The following DUSP15 variants were observed in gnomAD, a reference collection of about 807,000 sequenced individuals.
The protein encoded by DUSP15 is dual specificity phosphatase 15, also known as dual specificity protein phosphatase 15.
In DUSP15, 23 loss-of-function variants were observed where a neutral mutation model predicts 26.3. That is an observed-to-expected ratio of 0.87 (90% CI 0.63 to 1.24). DUSP15 has a LOEUF of 1.24. Ranked by LOEUF, DUSP15 falls within the 50% of genes most tolerant of loss-of-function variation. The pLI is 0.00. For synonymous variants in DUSP15, 143 were observed against 135.5 expected, an observed-to-expected ratio of 1.06 and a Z score of -0.39; for missense variants, 364 against 320.6, an observed-to-expected ratio of 1.14 and a Z score of -1.03.
chr20:31,859,378 C>A (rs2062610072), downstream of DUSP15, among the ~76,000 whole-genome samples: 1 of 152,104 alleles, frequency 6.6e-6, no homozygotes, highest in Non-Finnish European at 1.5e-5. Context: ...GCTCAGATTG[C>A]TCCACTCCTT....
At chr20:31,868,268 C>T (rs1445257847) in intron 2 of DUSP15, among the ~76,000 whole-genome samples, 2 of 152,074 alleles carry the variant, frequency 1.3e-5, no homozygotes, top group Non-Finnish European at 2.9e-5. Context: ...CTTACTTGGC[C>T]AAATACTCAC....
At chr20:31,865,127 C>T in intron 3 of DUSP15, 125 bp from the exon 4 acceptor site, 2 of 1,009,380 alleles carry the variant, frequency 2.0e-6, no homozygotes, top group Non-Finnish European at 3.1e-6. Flanking sequence ...CACTGTGGTC[C>T]TCTCTGTCCA....
chr20:31,853,766 A>AGTAAAAT (rs2062514108), intron 6 of DUSP15, among the ~76,000 whole-genome samples: 2 of 151,832 alleles, frequency 1.3e-5, no homozygotes, highest in Admixed American at 6.5e-5. Flanking sequence ...TCTGGCTAAT[A>AGTAAAAT]GTAAAATATT....
chr20:31,864,391 G>T, intron 4 of DUSP15: 1 of 1,053,902 alleles, frequency 9.5e-7, no homozygotes, highest in Non-Finnish European at 1.1e-6. Context: ...CCAAGGGGCA[G>T]CACTGTCTGC....
At chr20:31,858,129 C>A (rs1297772028), downstream of DUSP15, among the ~76,000 whole-genome samples, 3 of 152,180 alleles carry the variant, frequency 2.0e-5, no homozygotes, top group Non-Finnish European at 2.9e-5. The surrounding 1 kb of genome is among the most constrained non-coding windows in gnomAD (Gnocchi z 4.4). Context: ...CGTCTCCAGT[C>A]CCCTGTCCCC....
downstream of DUSP15, among the ~76,000 whole-genome samples, chr20:31,857,897 A>T (rs909793746): frequency 6.6e-6 from 1 of 152,144 alleles, no homozygotes; most frequent in Non-Finnish European, 1.5e-5. Context: ...CAGAATTCCC[A>T]TTAGTGCATT....
rs754981196 is a variant in DUSP15, at chr20:31,862,560, C to A, written c.435+11G>T. ...CCCCTGGCCCAACCCAGCCCTTGACCCCATCCCTACCTTCTGGGAACTGGC... is the reference window on the plus strand; with the variant it reads ...CCCCTGGCCCAACCCAGCCCTTGACACCATCCCTACCTTCTGGGAACTGGC... On this transcript the variant is annotated intron_variant, in intron 6 of 6. Transcript: ENST00000339738. The A allele has an allele frequency of 6.3e-6, 10 of 1,595,226 alleles. No homozygotes were observed. The highest frequency in any genetic ancestry group is 4.5e-5 in the South Asian group (4 of 88,346).
downstream of DUSP15, among the ~76,000 whole-genome samples, chr20:31,846,133 GACAC>G (rs922590794): frequency 8.6e-4 from 109 of 127,480 alleles, 1 homozygote; most frequent in Admixed American, 6.2e-3. Context: ...CACAGACACA[GACAC>G]ACACACAGAC....
downstream of DUSP15, among the ~76,000 whole-genome samples, chr20:31,857,993 A>G (rs62206284): frequency 0.089 from 13,531 of 152,162 alleles, 1,034 homozygotes; most frequent in African/African-American, 0.21. Context: ...AAAGTGTCTG[A>G]GAGTCCCTCA....
At chr20:31,848,756 G>C (rs187096344) in intron 9 of DUSP15, 2,017 of 1,562,470 alleles carry the variant, frequency 1.3e-3, no homozygotes, top group Non-Finnish European at 1.6e-3. Context: ...GGGCTGTCTG[G>C]AGGGGACTGG....
intron 6 of DUSP15, among the ~76,000 whole-genome samples, chr20:31,854,181 G>A (rs2062521111): frequency 6.7e-6 from 1 of 150,156 alleles, no homozygotes; most frequent in South Asian, 2.1e-4. Context: ...CACTGAGGGG[G>A]ATTTAACTGA....
chr20:31,867,631 G>GTTTTTTTTTTT (rs57662463), intron 2 of DUSP15, among the ~76,000 whole-genome samples: 11 of 77,644 alleles, frequency 1.4e-4, no homozygotes, highest in East Asian at 1.3e-3. Context: ...TGCCCACAAT[G>GTTTTTTTTTTT]TTTTTTTTTT....
In DUSP15 at chr20:31,870,200, C is replaced by A; in HGVS notation, c.21+117G>T. ...TCGAGTCACAGGGACACGGAGATGC[C>A]GCCGCACGGAGACCGGCGAGAACAG... is the stretch of plus-strand genomic sequence containing the variant. On this transcript the variant is annotated intron_variant, in intron 1 of 6. Coordinates refer to ENST00000339738, the MANE Select transcript of DUSP15 (RefSeq NM_080611.5). The surrounding 1 kb of genome is among the most constrained non-coding windows in gnomAD (Gnocchi z 6.6). 8.2e-7 allele frequency: 1 copy of A among 1,225,262 alleles called. No individual in the cohort carries two copies. Among genetic ancestry groups the A allele is most frequent in the Non-Finnish European group, 1.0e-6 (1 of 983,494 alleles). The allele number at this position is 1,225,262 out of a possible 1,614,324, so 75.9% of individuals were successfully genotyped here. A position where few individuals can be genotyped will look rare whatever the true frequency, so the allele number is the denominator to read the frequency against.
chr20:31,854,059 T>A (rs1447521465), intron 6 of DUSP15, among the ~76,000 whole-genome samples: 1 of 152,164 alleles, frequency 6.6e-6, no homozygotes, highest in African/African-American at 2.4e-5. Flanking sequence ...AAGAGATGGA[T>A]AATTCAGGCA....
chr20:31,848,438 G>C (rs755626736), exon 10 of DUSP15: 1 of 1,611,964 alleles, frequency 6.2e-7, no homozygotes, highest in African/African-American at 1.3e-5. Flanking sequence ...GGCTCGCTTA[G>C]GATGGAGGCA....
chr20:31,845,606 C>G (rs1235727595), downstream of DUSP15: 10 of 1,573,830 alleles, frequency 6.4e-6, no homozygotes, highest in South Asian at 1.1e-5. Flanking sequence ...GGCTGGCGTC[C>G]GGAATAGCCT....
chr20:31,861,476 A>AGCGGCC lies in DUSP15; in HGVS notation c.629_634dup (p.Arg210_Pro211dup), dbSNP rs757254167. ...CTGCTTGACGCGCGCCAGCAGCGGC[A>AGCGGCC]GCGGCCGGTGGGCTTCCCGGGGCGT... On this transcript the variant is annotated inframe_insertion, in exon 7 of 7. Transcript: ENST00000339738. 2 of 1,543,056 alleles carry AGCGGCC rather than the reference A, an allele frequency of 1.3e-6. No homozygotes were observed. Among genetic ancestry groups the AGCGGCC allele is most frequent in the South Asian group, 2.4e-5 (2 of 83,882 alleles).
intron 5 of DUSP15, among the ~76,000 whole-genome samples, chr20:31,863,195 G>A (rs2062698730): frequency 6.6e-6 from 1 of 152,106 alleles, no homozygotes; most frequent in African/African-American, 2.4e-5. Context: ...AGGTGGGGTG[G>A]GGTTAGGGAA....
chr20:31,866,276 G>A (rs576745114), intron 3 of DUSP15, among the ~76,000 whole-genome samples: 6 of 152,162 alleles, frequency 3.9e-5, no homozygotes, highest in Non-Finnish European at 8.8e-5. Flanking sequence ...AAGAGGCTCT[G>A]TTTATGGGAT....
Sources: gnomAD v4.1 joint callset for allele counts (sites outside exome capture counted in the v4.1 genomes callset) on GRCh38, gnomAD v4.1.1 for gene constraint, Gnocchi (gnomAD v3.1) non-coding constraint, MANE v1.5 for transcripts, NCBI Gene and HGNC (gene_info 2026-07-23, HGNC 2026-07-21) for gene names.